MACROD2: variants seen among roughly 807,000 people sequenced by gnomAD.
MACROD2 encodes the protein mono-ADP ribosylhydrolase 2, also known as ADP-ribose glycohydrolase MACROD2.
In MACROD2, 36 loss-of-function variants were observed where a neutral mutation model predicts 70.4. The ratio of observed to expected loss-of-function variants is 0.51; its 90% CI spans 0.39 to 0.68. The LOEUF is 0.68. MACROD2 is among the 30% of genes least tolerant of loss of function. MACROD2 has a pLI of 0.00. For synonymous variants in MACROD2, 172 were observed against 178.8 expected, an observed-to-expected ratio of 0.96 and a Z score of 0.30; for missense variants, 496 against 538.4, an observed-to-expected ratio of 0.92 and a Z score of 0.78.
At chr20:15,538,565 T>C (rs2047908411) in intron 8 of MACROD2, among the ~76,000 whole-genome samples, 1 of 152,182 alleles carries the variant, frequency 6.6e-6, no homozygotes, top group South Asian at 2.1e-4. Flanking sequence ...GTTTTTGAAA[T>C]GAAGCATCAT....
At chr20:14,028,197 G>A (rs558232647) in intron 2 of MACROD2, among the ~76,000 whole-genome samples, 3 of 152,298 alleles carry the variant, frequency 2.0e-5, no homozygotes, top group South Asian at 4.1e-4. Flanking sequence ...AGTTCCTGGC[G>A]CTTTGTTTAC....
At chr20:15,452,629 C>G (rs185431420) in intron 7 of MACROD2, among the ~76,000 whole-genome samples, 11 of 152,242 alleles carry the variant, frequency 7.2e-5, no homozygotes, top group Admixed American at 3.9e-4. Flanking sequence ...AATAACGCTG[C>G]CTCTGTTCTG....
chr20:15,722,172 G>T (rs1260328635), intron 8 of MACROD2, among the ~76,000 whole-genome samples: 1 of 151,962 alleles, frequency 6.6e-6, no homozygotes, highest in Non-Finnish European at 1.5e-5. Flanking sequence ...TCAGTTTAGG[G>T]CTCTTAACTG....
chr20:14,908,231 C>T (rs918894707), intron 5 of MACROD2, among the ~76,000 whole-genome samples: 10 of 152,078 alleles, frequency 6.6e-5, no homozygotes, highest in Non-Finnish European at 1.0e-4. Flanking sequence ...ATCCCAGCTA[C>T]TCAGGAGGTT....
At chr20:14,175,894 G>T (rs1348006666) in intron 3 of MACROD2, among the ~76,000 whole-genome samples, 1 of 152,144 alleles carries the variant, frequency 6.6e-6, no homozygotes, top group Non-Finnish European at 1.5e-5. Context: ...TTTGGCATTT[G>T]GTGGATGAGA....
Position 14,930,170 on chromosome 20 carries a change from A to G in MACROD2, c.418+245211A>G, listed in dbSNP as rs2036089353. ...GAGTGAGACTCCGTCTCAAAAAAAA[A>G]AAAAGAAATGTACATGAGTTTTGTG... On this transcript the variant is annotated intron_variant, in intron 5 of 17. Transcript: ENST00000684519. Among the ~76,000 whole-genome samples the G allele has an allele frequency of 2.0e-5, 3 of 151,778 alleles. 1 individual carries two copies. Among genetic ancestry groups the G allele is most frequent in the Admixed American group, 1.3e-4 (2 of 15,254 alleles).
At chr20:14,771,777 G>A (rs959901817) in intron 5 of MACROD2, among the ~76,000 whole-genome samples, 1 of 150,386 alleles carries the variant, frequency 6.6e-6, no homozygotes, top group Non-Finnish European at 1.5e-5. Flanking sequence ...CACATATGGT[G>A]TATATATGTA....
At chr20:15,632,996 C>A (rs1310402643) in intron 8 of MACROD2, among the ~76,000 whole-genome samples, 2 of 151,714 alleles carry the variant, frequency 1.3e-5, no homozygotes, top group Non-Finnish European at 2.9e-5. Flanking sequence ...CATGTTATAC[C>A]TACCTACCTA....
At chr20:14,954,820 A>ATTTAT in intron 5 of MACROD2, among the ~76,000 whole-genome samples, 2 of 8,650 alleles carry the variant, frequency 2.3e-4, no homozygotes, top group Non-Finnish European at 7.2e-4. Context: ...ATATAATATA[A>ATTTAT]ATTATAAATA....
intron 12 of MACROD2, among the ~76,000 whole-genome samples, chr20:15,943,649 A>G (rs2065780925): frequency 6.6e-6 from 1 of 152,148 alleles, no homozygotes; most frequent in Non-Finnish European, 1.5e-5. Flanking sequence ...TCATTTCTCA[A>G]AAGGGTCACC....
intron 5 of MACROD2, among the ~76,000 whole-genome samples, chr20:14,953,585 G>A (rs898442217): frequency 2.6e-5 from 4 of 152,226 alleles, no homozygotes; most frequent in East Asian, 1.9e-4. Context: ...GATTACAGGC[G>A]TAAGCCACCG....
At chr20:15,575,297 G>A (rs2048430850) in intron 8 of MACROD2, among the ~76,000 whole-genome samples, 1 of 152,118 alleles carries the variant, frequency 6.6e-6, no homozygotes, top group Admixed American at 6.6e-5. Flanking sequence ...GATAACACAA[G>A]GCACATGTAT....
chr20:14,178,726 C>CTTTT (rs79773305), intron 3 of MACROD2, among the ~76,000 whole-genome samples: 26 of 102,970 alleles, frequency 2.5e-4, no homozygotes, highest in Non-Finnish European at 3.8e-4. Flanking sequence ...GCCAAGTCAG[C>CTTTT]TTTTTTTTTT....
chr20:15,584,953 A>C (rs2048577080), intron 8 of MACROD2, among the ~76,000 whole-genome samples: 1 of 152,210 alleles, frequency 6.6e-6, no homozygotes, highest in African/African-American at 2.4e-5. Flanking sequence ...GGATTTCTCC[A>C]ACAGACGGGC....
At chr20:14,357,655 A>G (rs2083185290) in intron 3 of MACROD2, among the ~76,000 whole-genome samples, 1 of 152,222 alleles carries the variant, frequency 6.6e-6, no homozygotes, top group Admixed American at 6.5e-5. Flanking sequence ...CTATAAAACT[A>G]TGAAGTGTGA....
At chr20:14,332,665 A>C (rs1009058045) in intron 3 of MACROD2, among the ~76,000 whole-genome samples, 7 of 152,066 alleles carry the variant, frequency 4.6e-5, no homozygotes, top group Non-Finnish European at 1.0e-4. Flanking sequence ...GGGACTTTTA[A>C]AAATATTCAA....
At chr20:14,960,324 G>C (rs1209701487) in intron 5 of MACROD2, among the ~76,000 whole-genome samples, 2 of 152,156 alleles carry the variant, frequency 1.3e-5, no homozygotes, top group African/African-American at 4.8e-5. Context: ...ATCACTGGGA[G>C]AGAAGGTGGA....
At chr20:14,590,708 A>G (rs1483457074) in intron 4 of MACROD2, among the ~76,000 whole-genome samples, 1 of 152,192 alleles carries the variant, frequency 6.6e-6, no homozygotes, top group African/African-American at 2.4e-5. Context: ...TGTAAGCAAC[A>G]TAAAAGAAAA....
intron 2 of MACROD2, among the ~76,000 whole-genome samples, chr20:14,070,964 G>A (rs911698924): frequency 1.3e-5 from 2 of 152,030 alleles, no homozygotes; most frequent in African/African-American, 4.8e-5. Flanking sequence ...CCTACAGTTA[G>A]CTTTTGCTGG....
Sources: gnomAD v4.1 joint callset for allele counts (sites outside exome capture counted in the v4.1 genomes callset) on GRCh38, gnomAD v4.1.1 for gene constraint, MANE v1.5 for transcripts, NCBI Gene and HGNC (gene_info 2026-07-23, HGNC 2026-07-21) for gene names.